The following RBFOX1 variants were observed in gnomAD, a reference collection of about 807,000 sequenced individuals.
The protein encoded by RBFOX1 is RNA binding protein fox-1 homolog 1.
A neutral mutation model predicts 57.7 loss-of-function variants in RBFOX1; 8 were observed. That is an observed-to-expected ratio of 0.14 (90% CI 0.08 to 0.25). The LOEUF (loss-of-function observed/expected upper bound fraction) is 0.25, where lower values mean the gene tolerates loss of function less well. Ranked by LOEUF, RBFOX1 falls within the 10% of genes least tolerant of loss-of-function variation. The pLI is 1.00. For missense variants in RBFOX1, 611 were observed against 548.5 expected (o/e 1.11, Z -1.14); for synonymous variants, 326 against 222.4 (o/e 1.47, Z -4.15).
chr16:6,930,756 T>C (rs966951752), intron 3 of RBFOX1, among the ~76,000 whole-genome samples: 6 of 152,162 alleles, frequency 3.9e-5, no homozygotes, highest in East Asian at 1.9e-4. Context: ...TATATGTTTA[T>C]TGGCCACTTG....
chr16:6,517,941 T>A (rs1037947085), intron 2 of RBFOX1, among the ~76,000 whole-genome samples: 6 of 152,168 alleles, frequency 3.9e-5, no homozygotes, highest in African/African-American at 1.2e-4. Context: ...ATGATGGTGA[T>A]GGTAATTGTG....
intron 4 of RBFOX1, among the ~76,000 whole-genome samples, chr16:5,922,183 C>A (rs931915464): frequency 1.3e-5 from 2 of 152,044 alleles, no homozygotes; most frequent in Non-Finnish European, 2.9e-5. Context: ...AACCCCCAAA[C>A]CCTAGCTCTC....
Position 6,852,451 on chromosome 16 carries a change from C to A in RBFOX1, c.-16+197801C>A, listed in dbSNP as rs569918906. ...TTCAGGGATTTTTGACCTGAGATAT[C>A]TGAGTGGCTATTATCTGGCTTATTA... On this transcript the variant is annotated intron_variant, in intron 3 of 15. Coordinates refer to ENST00000550418, the MANE Select transcript of RBFOX1 (RefSeq NM_018723.4). Among the ~76,000 whole-genome samples the A allele has an allele frequency of 3.3e-5, 5 of 152,308 alleles. No individual in the cohort carries two copies. The South Asian group carries it at 6.2e-4, about 19-fold the overall frequency.
At chr16:7,212,561 TC>T (rs1172260826) in intron 4 of RBFOX1, among the ~76,000 whole-genome samples, 1 of 152,114 alleles carries the variant, frequency 6.6e-6, no homozygotes, top group African/African-American at 2.4e-5. Flanking sequence ...CGAACATTTT[TC>T]CAAGCAGAGT....
At chr16:6,015,823 A>C (rs890668604), upstream of RBFOX1, among the ~76,000 whole-genome samples, 1 of 152,198 alleles carries the variant, frequency 6.6e-6, no homozygotes, top group Non-Finnish European at 1.5e-5. Flanking sequence ...GTATTGGCCA[A>C]ATGTTTCAAG....
chr16:7,051,048 T>G (rs980636524), intron 3 of RBFOX1, among the ~76,000 whole-genome samples: 1 of 152,204 alleles, frequency 6.6e-6, no homozygotes, highest in Non-Finnish European at 1.5e-5. Context: ...TCCTAAACCT[T>G]CATATCCCTT....
At chr16:7,247,364 G>C (rs888453215) in intron 4 of RBFOX1, among the ~76,000 whole-genome samples, 8 of 152,140 alleles carry the variant, frequency 5.3e-5, no homozygotes, top group Non-Finnish European at 7.3e-5. Context: ...GGGTAGGAAA[G>C]TACACTCTGC....
In RBFOX1 at chr16:5,474,788, G is replaced by A. The variant is rs545640762; in HGVS notation, c.258+7534G>A. On this transcript the variant is annotated intron_variant, in intron 2 of 2. Coordinates refer to the RBFOX1 transcript ENST00000585867. The stretch of plus-strand genomic sequence containing the variant: ...GAGATAGGTTGGTTAGGATCTTCCA[G>A]AGTTAGTTTATTTCTGTTTGTTTTT... 2.0e-5 allele frequency among the ~76,000 whole-genome samples: 3 copies of A among 152,306 alleles called. No individual in the cohort carries two copies. In the East Asian group the frequency reaches 5.8e-4, roughly 29 times the overall value.
intron 3 of RBFOX1, among the ~76,000 whole-genome samples, chr16:6,747,592 T>C (rs2074015293): frequency 6.6e-6 from 1 of 152,202 alleles, no homozygotes; most frequent in Non-Finnish European, 1.5e-5. Context: ...TAGTATCTTC[T>C]ATGGGTCTTC....
chr16:6,527,520 T>C (rs567784099), intron 2 of RBFOX1, among the ~76,000 whole-genome samples: 1 of 152,300 alleles, frequency 6.6e-6, no homozygotes, highest in East Asian at 1.9e-4. Context: ...TTTGGTTATG[T>C]TTCTGTCTGT....
intron 4 of RBFOX1, among the ~76,000 whole-genome samples, chr16:7,204,231 T>A (rs572327933): frequency 3.9e-5 from 6 of 152,118 alleles, no homozygotes; most frequent in African/African-American, 1.2e-4. Flanking sequence ...TCTCATCTCT[T>A]GCCTCTATCT....
intron 14 of RBFOX1, among the ~76,000 whole-genome samples, chr16:7,699,278 ACCTCCTGGG>A (rs57296294): frequency 0.66 from 100,217 of 151,606 alleles, 33,532 homozygotes; most frequent in Non-Finnish European, 0.71. Flanking sequence ...GTAATCCTGG[ACCTCCTGGG>A]ATCTAGCGAT....
At position 7,510,180 on chromosome 16, in the gene RBFOX1, G is replaced by T. The variant is rs1316648870; in HGVS notation, c.28-7967G>T. 3.0e-6 allele frequency: 3 copies of T among 985,712 alleles called. No individual in the cohort carries two copies. The South Asian group carries it at 1.4e-4, about 46-fold the overall frequency. 61.1% of individuals were successfully genotyped at this position (985,712 alleles called of 1,614,324 possible). ...AGCCCCCCACCTTCCTCAACACCCC[G>T]ATCATCCACACATTGCACAGCGCGC... On this transcript the variant is annotated intron_variant, in intron 4 of 15. Coordinates refer to ENST00000550418, the MANE Select transcript of RBFOX1 (RefSeq NM_018723.4).
At chr16:6,894,509 A>T (rs1353934166) in intron 3 of RBFOX1, among the ~76,000 whole-genome samples, 1 of 152,140 alleles carries the variant, frequency 6.6e-6, no homozygotes, top group Non-Finnish European at 1.5e-5. Flanking sequence ...TTCTGTTCAC[A>T]CCTGCTCTCC....
chr16:5,432,368 C>G (rs2067765992), intron 1 of RBFOX1, among the ~76,000 whole-genome samples: 1 of 152,296 alleles, frequency 6.6e-6, no homozygotes, highest in Admixed American at 6.5e-5. Context: ...GCGTGAAGCT[C>G]TCGACTGCTC....
intron 4 of RBFOX1, among the ~76,000 whole-genome samples, chr16:7,493,411 C>A (rs1201793973): frequency 6.6e-6 from 1 of 152,198 alleles, no homozygotes; most frequent in African/African-American, 2.4e-5. Flanking sequence ...CTGTCCACAT[C>A]ATAATCACTG....
At chr16:7,595,941 A>G (rs2094665989) in intron 8 of RBFOX1, among the ~76,000 whole-genome samples, 1 of 151,536 alleles carries the variant, frequency 6.6e-6, no homozygotes, top group Non-Finnish European at 1.5e-5. Context: ...CAATGGGTGC[A>G]GTAGGTTCCA....
intron 1 of RBFOX1, among the ~76,000 whole-genome samples, chr16:6,025,071 A>G (rs1190631810): frequency 1.3e-5 from 2 of 152,138 alleles, no homozygotes; most frequent in Admixed American, 1.3e-4. Context: ...CTAATGGGAA[A>G]CCATTGGGGG....
chr16:7,658,647 C>T (rs892277765), intron 12 of RBFOX1, among the ~76,000 whole-genome samples: 3 of 152,134 alleles, frequency 2.0e-5, no homozygotes, highest in African/African-American at 4.8e-5. Flanking sequence ...AATCCCCTCC[C>T]TCAAAGAGGA....
Sources: gnomAD v4.1 joint callset for allele counts (sites outside exome capture counted in the v4.1 genomes callset) on GRCh38, gnomAD v4.1.1 for gene constraint, MANE v1.5 for transcripts, NCBI Gene and HGNC (gene_info 2026-07-23, HGNC 2026-07-21) for gene names.